The following PPM1E variants were observed in gnomAD, a reference collection of about 807,000 sequenced individuals.
The protein encoded by PPM1E is protein phosphatase, Mg2+/Mn2+ dependent 1E, also known as protein phosphatase 1E.
In PPM1E, 20 loss-of-function variants were observed where a neutral mutation model predicts 65.9. The observed-to-expected ratio is 0.30, with a 90% confidence interval of 0.21 to 0.44. PPM1E has a LOEUF of 0.44. Ranked by LOEUF, PPM1E falls within the 20% of genes least tolerant of loss-of-function variation. The probability of loss-of-function intolerance (pLI) is 1.00; values close to 1 mark genes in which losing one functional copy is unlikely to be tolerated. For missense variants in PPM1E, 713 were observed against 953.1 expected (o/e 0.75, Z 3.32); for synonymous variants, 352 against 374.9 (o/e 0.94, Z 0.70).
intron 2 of PPM1E, among the ~76,000 whole-genome samples, chr17:58,963,118 C>T (rs1454225365): frequency 6.6e-6 from 1 of 151,996 alleles, no homozygotes; most frequent in African/African-American, 2.4e-5. Context: ...GGCATGGTGG[C>T]TCATGCCTGT....
intron 1 of PPM1E, among the ~76,000 whole-genome samples, chr17:58,821,477 C>T (rs1353388878): frequency 6.6e-6 from 1 of 152,044 alleles, no homozygotes; most frequent in Non-Finnish European, 1.5e-5. Flanking sequence ...AAAGTTTTTT[C>T]ATTTCAATAT....
intron 1 of PPM1E, among the ~76,000 whole-genome samples, chr17:58,847,026 T>A (rs989451360): frequency 8.5e-5 from 13 of 152,190 alleles, no homozygotes; most frequent in East Asian, 3.8e-4. Context: ...ACCAGTGATG[T>A]TGAGCATTTT....
chr17:58,773,798 T>G (rs2049964153), intron 1 of PPM1E, among the ~76,000 whole-genome samples: 1 of 152,140 alleles, frequency 6.6e-6, no homozygotes. Flanking sequence ...AAATGCAAAT[T>G]CCTGTGCTCC....
intron 1 of PPM1E, among the ~76,000 whole-genome samples, chr17:58,868,375 A>T (rs943466580): frequency 5.3e-5 from 8 of 152,136 alleles, no homozygotes; most frequent in Non-Finnish European, 7.3e-5. Flanking sequence ...TTTTCAAAAA[A>T]AAATTTTTTT....
At chr17:58,970,097 G>T (rs1367578444) in intron 4 of PPM1E, among the ~76,000 whole-genome samples, 1 of 152,136 alleles carries the variant, frequency 6.6e-6, no homozygotes, top group Non-Finnish European at 1.5e-5. Flanking sequence ...ATAAAACAAT[G>T]GTCTAAAAAA....
intron 1 of PPM1E, among the ~76,000 whole-genome samples, chr17:58,770,635 A>G (rs1451262547): frequency 4.6e-5 from 7 of 152,166 alleles, no homozygotes; most frequent in South Asian, 4.1e-4. Flanking sequence ...TAGTGCCTCA[A>G]TGTTGTTCAA....
chr17:58,898,232 T>C (rs1162788625), intron 1 of PPM1E, among the ~76,000 whole-genome samples: 2 of 143,182 alleles, frequency 1.4e-5, no homozygotes. Flanking sequence ...AGCCTGGGGG[T>C]GACAGAGGGA....
At chr17:58,881,015 A>C (rs1264772127) in intron 1 of PPM1E, among the ~76,000 whole-genome samples, 1 of 152,184 alleles carries the variant, frequency 6.6e-6, no homozygotes, top group African/African-American at 2.4e-5. Flanking sequence ...CTACTCAGCA[A>C]GTAGAATGTT....
At chr17:58,854,948 A>G (rs1282800185) in intron 1 of PPM1E, among the ~76,000 whole-genome samples, 1 of 152,212 alleles carries the variant, frequency 6.6e-6, no homozygotes, top group East Asian at 1.9e-4. Flanking sequence ...AGTAGAGCAG[A>G]AACCCACAAG....
intron 1 of PPM1E, among the ~76,000 whole-genome samples, chr17:58,838,337 G>A (rs2050683780): frequency 6.6e-6 from 1 of 152,102 alleles, no homozygotes; most frequent in South Asian, 2.1e-4. Flanking sequence ...TCAACAATAA[G>A]AAAGTGAACA....
At chr17:58,947,138 T>A (rs1196670654) in intron 1 of PPM1E, among the ~76,000 whole-genome samples, 10 of 69,746 alleles carry the variant, frequency 1.4e-4, no homozygotes, top group East Asian at 1.4e-3. Context: ...TTTTTTTTTT[T>A]AGACAGTCTT....
intron 1 of PPM1E, among the ~76,000 whole-genome samples, chr17:58,846,070 G>A (rs2050768494): frequency 6.6e-6 from 1 of 152,094 alleles, no homozygotes; most frequent in African/African-American, 2.4e-5. Context: ...GTTGATACCT[G>A]GGTTGCTTCC....
intron 1 of PPM1E, among the ~76,000 whole-genome samples, chr17:58,892,164 A>G (rs1004053119): frequency 2.0e-5 from 3 of 152,182 alleles, no homozygotes; most frequent in East Asian, 3.9e-4. Context: ...TAAAACAAAG[A>G]CTTAGCACAG....
intron 1 of PPM1E, among the ~76,000 whole-genome samples, chr17:58,909,537 G>A (rs2051598524): frequency 6.6e-6 from 1 of 152,050 alleles, no homozygotes; most frequent in Non-Finnish European, 1.5e-5. Flanking sequence ...GAGCCACCAT[G>A]GCTGACCTCT....
At chr17:58,876,791 A>T (rs956102537) in intron 1 of PPM1E, among the ~76,000 whole-genome samples, 6 of 149,996 alleles carry the variant, frequency 4.0e-5, no homozygotes, top group East Asian at 2.0e-4. Flanking sequence ...ATTTTATTTT[A>T]TTTTTTTTTT....
chr17:58,861,205 C>T (rs2050935651), intron 1 of PPM1E, among the ~76,000 whole-genome samples: 1 of 152,182 alleles, frequency 6.6e-6, no homozygotes, highest in Non-Finnish European at 1.5e-5. Context: ...CAGATGTTTT[C>T]CTGTAATTTA....
At chr17:58,866,088 A>T (rs1247480869) in intron 1 of PPM1E, among the ~76,000 whole-genome samples, 1 of 152,210 alleles carries the variant, frequency 6.6e-6, no homozygotes, top group African/African-American at 2.4e-5. Flanking sequence ...TTTCACAAAG[A>T]GTGTCTAAAT....
intron 1 of PPM1E, among the ~76,000 whole-genome samples, chr17:58,792,907 C>T (rs2050170470): frequency 6.6e-6 from 1 of 151,588 alleles, no homozygotes; most frequent in Non-Finnish European, 1.5e-5. Flanking sequence ...GCACCCGCCA[C>T]CACACCCAGC....
At chr17:58,822,132 A>T (rs907164385) in intron 1 of PPM1E, among the ~76,000 whole-genome samples, 2 of 152,158 alleles carry the variant, frequency 1.3e-5, no homozygotes, top group African/African-American at 4.8e-5. Flanking sequence ...CTAAAACAAG[A>T]GATGGAAAGA....
Sources: gnomAD v4.1 joint callset for allele counts (sites outside exome capture counted in the v4.1 genomes callset) on GRCh38, gnomAD v4.1.1 for gene constraint, MANE v1.5 for transcripts, NCBI Gene and HGNC (gene_info 2026-07-23, HGNC 2026-07-21) for gene names.